DNAH11: variants seen among roughly 807,000 people sequenced by gnomAD.
DNAH11 encodes the protein axonemal beta dynein heavy chain 11.
DNAH11 carries 442 observed loss-of-function variants against 526.0 expected under a neutral mutation model. That is an observed-to-expected ratio of 0.84 (90% CI 0.78 to 0.91). The LOEUF (loss-of-function observed/expected upper bound fraction) is 0.91, where lower values mean the gene tolerates loss of function less well. Ranked by LOEUF, DNAH11 falls within the 40% of genes least tolerant of loss-of-function variation. The pLI is 0.00. For missense variants in DNAH11, 6,989 were observed against 5,448.7 expected (o/e 1.28, Z -8.90); for synonymous variants, 2,461 against 1,935.9 (o/e 1.27, Z -7.12).
rs1184488480 is a variant in DNAH11, at chr7:21,601,448, G to A, written c.3478G>A (p.Glu1160Lys). ...GGAGACAGATTCCGGACTTCAGAGA[G>A]AATTAAATGAAGGTGATCATGATGG... ...IKETDSGLQR[E>K]LNEGDHDGLV... is the part of the protein sequence containing the mutation. Residue 1160 changes from glutamate (E) to lysine (K), a missense_variant, in exon 18 of 82, where the codon GAA (glutamate) becomes AAA (lysine). By Grantham distance (56) the Glu-to-Lys change is moderately conservative (BLOSUM62 1). Coordinates refer to ENST00000409508, the MANE Select transcript of DNAH11 (RefSeq NM_001277115.2). 1 of 1,613,596 alleles carries A rather than the reference G, an allele frequency of 6.2e-7. No homozygotes were observed. Among genetic ancestry groups the A allele is most frequent in the African/African-American group, 1.3e-5 (1 of 74,916 alleles).
intron 45 of DNAH11, among the ~76,000 whole-genome samples, chr7:21,732,784 G>C (rs759207200): frequency 6.6e-6 from 1 of 152,174 alleles, no homozygotes; most frequent in Non-Finnish European, 1.5e-5. Context: ...CCATCCCTTT[G>C]GTCTCAAGAT....
intron 30 of DNAH11, among the ~76,000 whole-genome samples, chr7:21,666,483 TTTG>T (rs2128467969): frequency 6.6e-6 from 1 of 152,184 alleles, no homozygotes; most frequent in East Asian, 1.9e-4. Context: ...CCCAGAGACT[TTTG>T]TTAAGAACTC....
intron 30 of DNAH11, among the ~76,000 whole-genome samples, chr7:21,674,761 GGGAA>G (rs2128470328): frequency 6.6e-6 from 1 of 152,100 alleles, no homozygotes; most frequent in South Asian, 2.1e-4. Flanking sequence ...GAAGCAGATA[GGGAA>G]TTTTCACTGA....
intron 32 of DNAH11, among the ~76,000 whole-genome samples, chr7:21,684,202 C>G (rs900341738): frequency 6.6e-6 from 1 of 152,194 alleles, no homozygotes; most frequent in African/African-American, 2.4e-5. Flanking sequence ...GTATCAGGAT[C>G]TATCACCACC....
At chr7:21,752,391 G>C (rs1306273190) in intron 54 of DNAH11, among the ~76,000 whole-genome samples, 1 of 152,198 alleles carries the variant, frequency 6.6e-6, no homozygotes, top group East Asian at 1.9e-4. Flanking sequence ...CAGTATGGCA[G>C]AGGTGATGCT....
chr7:21,711,435 GATTA>G (rs774099011), intron 41 of DNAH11, among the ~76,000 whole-genome samples: 84 of 152,232 alleles, frequency 5.5e-4, no homozygotes, highest in East Asian at 2.3e-3. Flanking sequence ...CCTTTCATGT[GATTA>G]ATTTTTACAA....
chr7:21,682,747 T>G (rs994463631), intron 31 of DNAH11, among the ~76,000 whole-genome samples: 2 of 152,180 alleles, frequency 1.3e-5, no homozygotes, highest in African/African-American at 4.8e-5. Context: ...GTTTCTGTGT[T>G]TTTTTCTGGG....
At chr7:21,795,170 T>C (rs73277739) in intron 61 of DNAH11, among the ~76,000 whole-genome samples, 4,974 of 152,146 alleles carry the variant, frequency 0.033, 284 homozygotes, top group African/African-American at 0.11. Context: ...TAAAGGTTAA[T>C]TTTTTTTACA....
intron 40 of DNAH11, among the ~76,000 whole-genome samples, chr7:21,708,668 C>G (rs1784357680): frequency 6.6e-6 from 1 of 152,178 alleles, no homozygotes; most frequent in African/African-American, 2.4e-5. Context: ...TCATTTCCCA[C>G]CACTTACTAT....
At chr7:21,806,324 T>G in intron 62 of DNAH11, among the ~76,000 whole-genome samples, 1 of 152,190 alleles carries the variant, frequency 6.6e-6, no homozygotes, top group East Asian at 1.9e-4. Flanking sequence ...GGTAGGTGAA[T>G]GAGAGATTCC....
intron 20 of DNAH11, among the ~76,000 whole-genome samples, chr7:21,614,303 G>A (rs1310161851): frequency 6.6e-6 from 1 of 152,144 alleles, no homozygotes; most frequent in Admixed American, 6.5e-5. Flanking sequence ...TAGTAACCTA[G>A]TATAATGTCT....
At chr7:21,763,169 C>T (rs189339193) in intron 54 of DNAH11, among the ~76,000 whole-genome samples, 281 of 151,898 alleles carry the variant, frequency 1.8e-3, no homozygotes, top group African/African-American at 6.5e-3. Context: ...TAGTAAAACC[C>T]TGTCTCTACT....
At chr7:21,693,498 G>A (rs1033305457) in intron 35 of DNAH11, among the ~76,000 whole-genome samples, 1 of 152,176 alleles carries the variant, frequency 6.6e-6, no homozygotes, top group African/African-American at 2.4e-5. Flanking sequence ...AAGTTGACAA[G>A]TGTCTTCTCT....
chr7:21,624,804 T>C (rs1786254002), intron 25 of DNAH11, among the ~76,000 whole-genome samples: 1 of 152,192 alleles, frequency 6.6e-6, no homozygotes, highest in South Asian at 2.1e-4. Flanking sequence ...TATTCAGATG[T>C]TCATATCATT....
At chr7:21,716,551 C>T (rs1023122968) in intron 42 of DNAH11, among the ~76,000 whole-genome samples, 1 of 152,164 alleles carries the variant, frequency 6.6e-6, no homozygotes, top group Non-Finnish European at 1.5e-5. Flanking sequence ...TTAGACTTTC[C>T]TTTCCCTGAG....
chr7:21,560,895 T>C (rs992917366), intron 4 of DNAH11, among the ~76,000 whole-genome samples, 176 bp from the exon 5 acceptor site: 1 of 152,074 alleles, frequency 6.6e-6, no homozygotes, highest in African/African-American at 2.4e-5. Context: ...AATACAAGGC[T>C]AAGAAAAAAA....
intron 54 of DNAH11, among the ~76,000 whole-genome samples, chr7:21,759,620 A>G (rs1786807281): frequency 6.6e-6 from 1 of 152,180 alleles, no homozygotes; most frequent in Non-Finnish European, 1.5e-5. Flanking sequence ...TAAGTGATGG[A>G]TGGAAGCTTC....
At chr7:21,840,630 T>A (rs906012352) in intron 65 of DNAH11, among the ~76,000 whole-genome samples, 5 of 152,112 alleles carry the variant, frequency 3.3e-5, no homozygotes, top group African/African-American at 4.8e-5. Flanking sequence ...TAGATCCTCA[T>A]AGCAGGTTCC....
intron 65 of DNAH11, among the ~76,000 whole-genome samples, chr7:21,834,786 A>G (rs1314412113): frequency 6.6e-6 from 1 of 152,196 alleles, no homozygotes; most frequent in Non-Finnish European, 1.5e-5. Flanking sequence ...TCAAGGTTGC[A>G]GTGAGCTATG....
Sources: gnomAD v4.1 joint callset for allele counts (sites outside exome capture counted in the v4.1 genomes callset) on GRCh38, gnomAD v4.1.1 for gene constraint, MANE v1.5 for transcripts, NCBI Gene and HGNC (gene_info 2026-07-23, HGNC 2026-07-21) for gene names.